The following NUDCD1 variants were observed in gnomAD, a reference collection of about 807,000 sequenced individuals.
NUDCD1 encodes the protein NudC domain containing 1.
A neutral mutation model predicts 67.8 loss-of-function variants in NUDCD1; 60 were observed. That is an observed-to-expected ratio of 0.88 (90% confidence interval 0.72 to 1.10). NUDCD1 has a LOEUF of 1.10. NUDCD1 is among the 50% of genes least tolerant of loss of function. NUDCD1 has a pLI of 0.00. For missense variants in NUDCD1, 643 were observed against 695.0 expected (o/e 0.93, Z 0.84); for synonymous variants, 244 against 230.8 (o/e 1.06, Z -0.52).
intron 2 of NUDCD1, among the ~76,000 whole-genome samples, chr8:109,307,596 G>A (rs779108389): frequency 6.6e-5 from 10 of 151,908 alleles, no homozygotes; most frequent in African/African-American, 1.5e-4. Flanking sequence ...ACATATATAC[G>A]GGCAACAAAG....
intron 4 of NUDCD1, among the ~76,000 whole-genome samples, chr8:109,291,169 T>C (rs1353826647): frequency 6.6e-6 from 1 of 152,224 alleles, no homozygotes; most frequent in Non-Finnish European, 1.5e-5. Context: ...TGTTTTTTGT[T>C]TGTTTGAGAC....
chr8:109,263,572 G>A (rs1375321990), intron 8 of NUDCD1, among the ~76,000 whole-genome samples: 1 of 152,192 alleles, frequency 6.6e-6, no homozygotes, highest in Non-Finnish European at 1.5e-5. Flanking sequence ...TGTAAATGGG[G>A]TAAAATCTCA....
rs895051152 is a variant in NUDCD1, at chr8:109,241,275, T to C, written c.*1734A>G. On this transcript the variant is annotated 3_prime_UTR_variant, in exon 10 of 10. Transcript: ENST00000239690. The stretch of plus-strand genomic sequence containing the variant: ...ATTACTAAAATTGGCAATATATACA[T>C]AGTCATGGTTAATTAAGCACCACAT... The C allele has an allele frequency of 6.6e-6, 1 of 152,144 alleles. No homozygotes were observed. The highest frequency in any genetic ancestry group is 1.5e-5 in the Non-Finnish European group (1 of 68,030). 9.4% of individuals were successfully genotyped at this position (152,144 alleles called of 1,614,324 possible).
intron 2 of NUDCD1, among the ~76,000 whole-genome samples, chr8:109,318,555 T>C (rs1195652201): frequency 6.6e-6 from 1 of 152,178 alleles, no homozygotes; most frequent in Non-Finnish European, 1.5e-5. Context: ...ATAGTAATCC[T>C]TAGTAGAACA....
intron 9 of NUDCD1, among the ~76,000 whole-genome samples, chr8:109,244,615 A>G (rs1274354899): frequency 6.6e-6 from 1 of 152,176 alleles, no homozygotes; most frequent in Non-Finnish European, 1.5e-5. Context: ...AGCCATCAAA[A>G]TACGTAACTT....
At chr8:109,272,840 T>A (rs576185551) in intron 7 of NUDCD1, among the ~76,000 whole-genome samples, 4 of 152,114 alleles carry the variant, frequency 2.6e-5, no homozygotes, top group Admixed American at 6.5e-5. Context: ...CAATTATGGT[T>A]GCTGTGGCTG....
intron 1 of NUDCD1, among the ~76,000 whole-genome samples, chr8:109,324,105 GA>G (rs995520316): frequency 2.7e-5 from 4 of 150,582 alleles, no homozygotes; most frequent in African/African-American, 9.8e-5. Flanking sequence ...CAGAGCAAAA[GA>G]AACAAACAAC....
chr8:109,264,413 G>A (rs1022848169), intron 8 of NUDCD1, among the ~76,000 whole-genome samples: 1 of 152,158 alleles, frequency 6.6e-6, no homozygotes, highest in African/African-American at 2.4e-5. Context: ...GGTGAGATTA[G>A]TGGTATATTA....
intron 8 of NUDCD1, among the ~76,000 whole-genome samples, chr8:109,270,090 A>AGGGGGGGGGGGGGGGGG (rs1563665962): frequency 1.3e-4 from 1 of 7,610 alleles, no homozygotes; most frequent in African/African-American, 5.6e-4. Flanking sequence ...GGGTGCCTTA[A>AGGGGGGGGGGGGGGGGG]GGTGGGGTGT....
At chr8:109,268,715 C>T (rs981885698) in intron 8 of NUDCD1, among the ~76,000 whole-genome samples, 2 of 152,114 alleles carry the variant, frequency 1.3e-5, no homozygotes, top group African/African-American at 4.8e-5. Context: ...GAAGAACAAC[C>T]AGATTCTTCA....
intron 8 of NUDCD1, among the ~76,000 whole-genome samples, chr8:109,257,909 A>G (rs1026474798): frequency 2.6e-5 from 4 of 152,134 alleles, no homozygotes; most frequent in African/African-American, 9.6e-5. Flanking sequence ...CTTGCAGATA[A>G]TGAATCATTT....
At chr8:109,267,072 C>T (rs1016171294) in intron 8 of NUDCD1, among the ~76,000 whole-genome samples, 6 of 152,066 alleles carry the variant, frequency 3.9e-5, no homozygotes, top group Non-Finnish European at 7.4e-5. Flanking sequence ...TTTTACTTCA[C>T]TGCATTTTTG....
chr8:109,261,147 A>C (rs1037599358), intron 8 of NUDCD1, among the ~76,000 whole-genome samples: 1 of 152,070 alleles, frequency 6.6e-6, no homozygotes, highest in African/African-American at 2.4e-5. Flanking sequence ...AACTGATTAA[A>C]TTATAGTATA....
intron 7 of NUDCD1, 109 bp from the exon 8 acceptor site, chr8:109,271,239 C>T: frequency 1.5e-6 from 1 of 655,672 alleles, no homozygotes; most frequent in Non-Finnish European, 2.6e-6. Context: ...AAATGAATTG[C>T]AAACCTATGA....
intron 2 of NUDCD1, among the ~76,000 whole-genome samples, chr8:109,308,180 C>T (rs1815156556): frequency 1.3e-5 from 2 of 152,180 alleles, no homozygotes; most frequent in South Asian, 4.1e-4. Context: ...ACATTCTATT[C>T]AAAACCACGT....
At chr8:109,266,981 C>G (rs1814017999) in intron 8 of NUDCD1, among the ~76,000 whole-genome samples, 1 of 152,128 alleles carries the variant, frequency 6.6e-6, no homozygotes. Context: ...ACTCTAAGGA[C>G]ATATACTAAC....
chr8:109,264,683 T>A (rs1233165396), intron 8 of NUDCD1, among the ~76,000 whole-genome samples: 1 of 152,146 alleles, frequency 6.6e-6, no homozygotes, highest in Non-Finnish European at 1.5e-5. Flanking sequence ...CAAATGATAA[T>A]TAAGTATCCC....
chr8:109,272,387 ACG>A (rs1491100321), intron 7 of NUDCD1, among the ~76,000 whole-genome samples: 8 of 149,692 alleles, frequency 5.3e-5, no homozygotes, highest in Non-Finnish European at 1.0e-4. Flanking sequence ...ACACACACAC[ACG>A]CAAATATCTA....
chr8:109,246,600 A>C (rs1270570262), intron 8 of NUDCD1, among the ~76,000 whole-genome samples: 2 of 152,248 alleles, frequency 1.3e-5, no homozygotes, highest in African/African-American at 4.8e-5. Context: ...CAAAATCATC[A>C]AATTGAAACT....
Sources: allele counts gnomAD v4.1 joint callset (sites outside exome capture counted in the v4.1 genomes callset), GRCh38; gene constraint gnomAD v4.1.1; transcripts MANE v1.5; gene names NCBI Gene and HGNC (gene_info 2026-07-23, HGNC 2026-07-21).